Variants in RELN observed in about 807,000 individuals in gnomAD.
RELN encodes reelin.
A neutral mutation model predicts 427.6 loss-of-function variants in RELN; 108 were observed. That is an observed-to-expected ratio of 0.25 (90% confidence interval 0.22 to 0.30). RELN has a LOEUF of 0.30. Ranked by LOEUF, RELN falls within the 10% of genes least tolerant of loss-of-function variation. RELN has a pLI of 1.00. For synonymous variants in RELN, 1,524 were observed against 1,513.4 expected (o/e 1.01, Z -0.16); for missense variants, 3,715 against 4,302.8 (o/e 0.86, Z 3.82).
chr7:103,527,498 C>T (rs950676809), intron 46 of RELN, among the ~76,000 whole-genome samples: 2 of 152,182 alleles, frequency 1.3e-5, no homozygotes, highest in African/African-American at 2.4e-5. Context: ...GCAACCTCCA[C>T]AAAATCTTCC....
At chr7:103,809,667 G>C (rs780916553) in intron 3 of RELN, among the ~76,000 whole-genome samples, 1 of 152,270 alleles carries the variant, frequency 6.6e-6, no homozygotes, top group Non-Finnish European at 1.5e-5. Context: ...TGACCCGTCT[G>C]GGCTGTGAAT....
intron 2 of RELN, among the ~76,000 whole-genome samples, chr7:103,857,440 C>T (rs1793972751): frequency 6.6e-6 from 1 of 152,204 alleles, no homozygotes; most frequent in South Asian, 2.1e-4. Flanking sequence ...GTGTTTTCTT[C>T]TCCATCCAAC....
At position 103,707,855 on chromosome 7, in the gene RELN, A is replaced by C. The variant is rs569739460; in HGVS notation, c.806-6849T>G. On this transcript the variant is annotated intron_variant, in intron 8 of 64. Transcript: ENST00000428762. Reference sequence around the variant, plus strand: ...CTCTCAGATAAGCAAAACAAACAAAAAAACTATTTCTAAAGTTACAATTTT... The same window carrying C: ...CTCTCAGATAAGCAAAACAAACAAACAAACTATTTCTAAAGTTACAATTTT... Among the ~76,000 whole-genome samples the C allele has an allele frequency of 8.1e-4, 123 of 152,202 alleles. 1 individual carries two copies. Among genetic ancestry groups the C allele is most frequent in the Non-Finnish European group, 1.5e-3 (103 of 68,028 alleles).
chr7:103,738,398 TTTC>T (rs1026381519), intron 6 of RELN, among the ~76,000 whole-genome samples: 24 of 152,058 alleles, frequency 1.6e-4, no homozygotes, highest in Non-Finnish European at 3.2e-4. Flanking sequence ...TTTCATTGCC[TTTC>T]TTCTTATTGA....
chr7:103,544,278 G>A (rs1156301232), intron 42 of RELN, among the ~76,000 whole-genome samples: 3 of 125,540 alleles, frequency 2.4e-5, no homozygotes, highest in South Asian at 2.6e-4. Context: ...TCGCTCTGTC[G>A]CCCAGGCTAG....
intron 3 of RELN, among the ~76,000 whole-genome samples, chr7:103,811,787 A>G (rs544839900): frequency 3.9e-5 from 6 of 152,338 alleles, no homozygotes; most frequent in Admixed American, 3.9e-4. Context: ...CCCTTGGCAG[A>G]CATAAACCAA....
chr7:103,849,659 C>T (rs1485638567), intron 2 of RELN, among the ~76,000 whole-genome samples: 1 of 152,152 alleles, frequency 6.6e-6, no homozygotes, highest in East Asian at 1.9e-4. Context: ...TTTGCTACTA[C>T]TCTCCCTGCA....
chr7:103,490,415 A>G (rs112660229), intron 59 of RELN, among the ~76,000 whole-genome samples: 4 of 152,270 alleles, frequency 2.6e-5, no homozygotes, highest in African/African-American at 9.6e-5. Flanking sequence ...GGTACATGCT[A>G]TGGTATTAAG....
intron 11 of RELN, among the ~76,000 whole-genome samples, chr7:103,668,047 T>C (rs973087226): frequency 1.3e-5 from 2 of 152,112 alleles, no homozygotes; most frequent in African/African-American, 4.8e-5. Context: ...CTGGCCAACA[T>C]GGTGAAAACC....
rs772671161 is a variant in RELN at position 103,622,396 on chromosome 7, C to T, written c.2702+7544G>A. Reference sequence around the variant, plus strand: ...AAGAACATGCAGATGACATTATTAGCATCCTAGCTGAGCTCCTTCTACTGC... The same window carrying T: ...AAGAACATGCAGATGACATTATTAGTATCCTAGCTGAGCTCCTTCTACTGC... On this transcript the variant is annotated intron_variant, in intron 20 of 64. Coordinates refer to ENST00000428762, the MANE Select transcript of RELN (RefSeq NM_005045.4). 5.0e-4 allele frequency among the ~76,000 whole-genome samples: 76 copies of T among 152,176 alleles called. 2 individuals are homozygous for T. Among genetic ancestry groups the T allele is most frequent in the South Asian group, 2.1e-4 (1 of 4,824 alleles).
At chr7:103,911,202 C>G (rs1194084328) in intron 2 of RELN, among the ~76,000 whole-genome samples, 1 of 140,300 alleles carries the variant, frequency 7.1e-6, no homozygotes, top group African/African-American at 2.9e-5. Context: ...AGAGCATGAA[C>G]AGACACTTCT....
Position 103,589,642 on chromosome 7 carries a change from C to T in RELN, c.4099G>A (p.Glu1367Lys). The change falls in exon 28 of 65, where the codon GAA becomes AAA. Residue 1367 changes from glutamate (E) to lysine (K), a missense_variant. Transcript: ENST00000428762. ...ATAACAATGGTGATTCTTGTCCATT[C>T]TTCAAAGTCCCCTGTGTGATACATG... Reference protein sequence around the residue: ...PTMYHTGDFEEWTRITIVIPR... With the variant: ...PTMYHTGDFEKWTRITIVIPR... 1 of 1,614,054 alleles carries T rather than the reference C, an allele frequency of 6.2e-7. No individual in the cohort carries two copies. The highest frequency in any genetic ancestry group is 8.5e-7 in the Non-Finnish European group (1 of 1,179,956).
chr7:103,828,980 T>C (rs1040793499), intron 3 of RELN, among the ~76,000 whole-genome samples: 4 of 151,914 alleles, frequency 2.6e-5, no homozygotes. Flanking sequence ...GCAAAAACCA[T>C]CTGCTTTGAA....
chr7:103,767,045 T>C (rs1224570241), intron 4 of RELN, among the ~76,000 whole-genome samples: 2 of 152,176 alleles, frequency 1.3e-5, no homozygotes, highest in Non-Finnish European at 2.9e-5. Context: ...TCAATGTGTG[T>C]GTTTGAAGAG....
intron 28 of RELN, among the ~76,000 whole-genome samples, chr7:103,585,004 AT>A (rs201810769): frequency 0.011 from 1,692 of 152,056 alleles, 33 homozygotes; most frequent in African/African-American, 0.038. Context: ...TAAAAAAAAA[AT>A]TTGAAACAAA....
intron 55 of RELN, 139 bp from the exon 56 acceptor site, chr7:103,496,907 A>G (rs1828858870): frequency 1.2e-6 from 1 of 864,688 alleles, no homozygotes; most frequent in Non-Finnish European, 1.9e-6. Flanking sequence ...CCTGACTTTG[A>G]TATTAGGTAT....
At chr7:103,766,797 A>G (rs1048581170) in intron 4 of RELN, among the ~76,000 whole-genome samples, 10 of 152,254 alleles carry the variant, frequency 6.6e-5, no homozygotes, top group Non-Finnish European at 1.3e-4. Flanking sequence ...GGTGATGAAC[A>G]GCTGAAAAAC....
chr7:103,632,285 A>C (rs1832487095), intron 19 of RELN, among the ~76,000 whole-genome samples: 1 of 152,224 alleles, frequency 6.6e-6, no homozygotes, highest in African/African-American at 2.4e-5. Flanking sequence ...TGCTATTCTT[A>C]TGGCAAGGGC....
chr7:103,885,916 A>T (rs539931025), intron 2 of RELN, among the ~76,000 whole-genome samples: 5 of 152,294 alleles, frequency 3.3e-5, no homozygotes, highest in Admixed American at 1.3e-4. Flanking sequence ...TAAACATTTA[A>T]TGTCAGGCTA....
Sources: gnomAD v4.1 joint callset for allele counts (sites outside exome capture counted in the v4.1 genomes callset) on GRCh38, gnomAD v4.1.1 for gene constraint, MANE v1.5 for transcripts, NCBI Gene and HGNC (gene_info 2026-07-23, HGNC 2026-07-21) for gene names.